The following TNR variants were observed in gnomAD, a reference collection of about 807,000 sequenced individuals.
TNR encodes tenascin R.
Under a neutral mutation model 150.4 loss-of-function variants are expected in TNR, and 45 were observed. The ratio of observed to expected loss-of-function variants is 0.30; its 90% CI spans 0.24 to 0.38. The LOEUF (loss-of-function observed/expected upper bound fraction) is 0.38, where lower values mean the gene tolerates loss of function less well. Among genes scored for constraint, TNR ranks in the 10% least tolerant of loss-of-function variants. TNR has a pLI of 1.00. For missense variants in TNR, 1,544 were observed against 1,759.1 expected (o/e 0.88, Z 2.19); for synonymous variants, 687 against 678.4 (o/e 1.01, Z -0.20).
intron 1 of TNR, among the ~76,000 whole-genome samples, chr1:175,541,023 TC>T: frequency 6.6e-6 from 1 of 152,156 alleles, no homozygotes; most frequent in African/African-American, 2.4e-5. Flanking sequence ...ATATTCCCTA[TC>T]CCCAGGCTTG....
At chr1:175,597,836 A>T (rs2101843914) in intron 1 of TNR, among the ~76,000 whole-genome samples, 1 of 152,288 alleles carries the variant, frequency 6.6e-6, no homozygotes, top group South Asian at 2.1e-4. Flanking sequence ...TAAAAATGGA[A>T]ACTACTGACT....
intron 1 of TNR, among the ~76,000 whole-genome samples, chr1:175,664,985 T>C (rs990565732): frequency 6.6e-6 from 1 of 152,144 alleles, no homozygotes; most frequent in Non-Finnish European, 1.5e-5. Flanking sequence ...GTCAAAAGGA[T>C]GACAGAATCT....
chr1:175,515,991 A>C (rs929884586), intron 2 of TNR, among the ~76,000 whole-genome samples: 3 of 152,186 alleles, frequency 2.0e-5, no homozygotes, highest in African/African-American at 7.2e-5. Flanking sequence ...GCTCCAAAAG[A>C]ATTTGTGGAC....
At chr1:175,621,722 C>T (rs891260077) in intron 1 of TNR, among the ~76,000 whole-genome samples, 2 of 152,206 alleles carry the variant, frequency 1.3e-5, no homozygotes, top group African/African-American at 4.8e-5. Context: ...CTGCTCCTCC[C>T]TCCTTCCTCT....
At chr1:175,678,331 C>T (rs1405333355) in intron 1 of TNR, among the ~76,000 whole-genome samples, 1 of 152,194 alleles carries the variant, frequency 6.6e-6, no homozygotes, top group Non-Finnish European at 1.5e-5. Context: ...GTTCCCTTGC[C>T]CTACCCTGTA....
chr1:175,705,957 C>A (rs1666833746), intron 1 of TNR, among the ~76,000 whole-genome samples: 1 of 152,148 alleles, frequency 6.6e-6, no homozygotes, highest in South Asian at 2.1e-4. Context: ...AAGGCCCAGT[C>A]CTGACTTGTG....
chr1:175,402,466 CTAGA>C (rs1255374893), intron 4 of TNR, among the ~76,000 whole-genome samples: 1 of 150,954 alleles, frequency 6.6e-6, no homozygotes, highest in Non-Finnish European at 1.5e-5. Context: ...TTCTAATTTG[CTAGA>C]TAGTCATCTG....
At chr1:175,577,019 G>T (rs1662144060) in intron 1 of TNR, among the ~76,000 whole-genome samples, 1 of 152,152 alleles carries the variant, frequency 6.6e-6, no homozygotes, top group Non-Finnish European at 1.5e-5. Flanking sequence ...TTTCAAGCAT[G>T]CCCCCTGGGG....
intron 1 of TNR, among the ~76,000 whole-genome samples, chr1:175,676,630 A>G (rs899386570): frequency 5.9e-5 from 9 of 152,226 alleles, no homozygotes; most frequent in African/African-American, 1.7e-4. Context: ...AGCAACAACC[A>G]AAAATGCTAG....
intron 1 of TNR, among the ~76,000 whole-genome samples, chr1:175,584,295 G>A (rs1662479671): frequency 6.6e-6 from 1 of 152,120 alleles, no homozygotes; most frequent in African/African-American, 2.4e-5. Flanking sequence ...GCAGGGAAAA[G>A]GCAGCCACAT....
intron 1 of TNR, among the ~76,000 whole-genome samples, chr1:175,620,217 A>C (rs1378156564): frequency 6.6e-6 from 1 of 152,186 alleles, no homozygotes; most frequent in Non-Finnish European, 1.5e-5. Context: ...CAGGATAGAC[A>C]AAGTGCTTAG....
At chr1:175,631,715 T>A (rs924075540) in intron 1 of TNR, among the ~76,000 whole-genome samples, 10 of 152,164 alleles carry the variant, frequency 6.6e-5, no homozygotes, top group African/African-American at 2.2e-4. Flanking sequence ...AGGGTGTGTG[T>A]GTTTGTGTGT....
intron 1 of TNR, among the ~76,000 whole-genome samples, chr1:175,696,104 C>T (rs1184460416): frequency 3.3e-5 from 5 of 151,902 alleles, no homozygotes; most frequent in Admixed American, 1.3e-4. Flanking sequence ...CTGCAGGATC[C>T]TCTGTGAATT....
At chr1:175,648,502 G>A (rs934322719) in intron 1 of TNR, among the ~76,000 whole-genome samples, 13 of 152,088 alleles carry the variant, frequency 8.5e-5, no homozygotes, top group African/African-American at 2.4e-4. Flanking sequence ...CTAAGAGACT[G>A]AGATGGGCTA....
intron 1 of TNR, among the ~76,000 whole-genome samples, chr1:175,629,627 G>T (rs1664262867): frequency 6.6e-6 from 1 of 152,264 alleles, no homozygotes; most frequent in African/African-American, 2.4e-5. Context: ...AGGCTGCAAG[G>T]GGTTGCAGGA....
chr1:175,701,527 G>A (rs1666696027), intron 1 of TNR, among the ~76,000 whole-genome samples: 1 of 152,228 alleles, frequency 6.6e-6, no homozygotes, highest in African/African-American at 2.4e-5. Flanking sequence ...TACAACAAGA[G>A]GGGCTTTTGG....
intron 14 of TNR, among the ~76,000 whole-genome samples, chr1:175,361,687 C>G (rs1373357548): frequency 1.3e-5 from 2 of 152,150 alleles, no homozygotes; most frequent in African/African-American, 4.8e-5. Flanking sequence ...AATTAAGCAA[C>G]TGTAGAAAAT....
At chr1:175,549,426 A>C (rs1660847157) in intron 1 of TNR, among the ~76,000 whole-genome samples, 1 of 152,184 alleles carries the variant, frequency 6.6e-6, no homozygotes, top group Non-Finnish European at 1.5e-5. Flanking sequence ...CCTCCTAAAA[A>C]TCTCAACACT....
At chr1:175,537,020 T>C (rs1300387012) in intron 1 of TNR, among the ~76,000 whole-genome samples, 2 of 152,164 alleles carry the variant, frequency 1.3e-5, no homozygotes, top group Non-Finnish European at 2.9e-5. Context: ...CCACAGCCTC[T>C]CTGCATCTAA....
Sources: gnomAD v4.1 joint callset for allele counts (sites outside exome capture counted in the v4.1 genomes callset) on GRCh38, gnomAD v4.1.1 for gene constraint, MANE v1.5 for transcripts, NCBI Gene and HGNC (gene_info 2026-07-23, HGNC 2026-07-21) for gene names.